Variants in GPC5 observed in about 807,000 individuals in gnomAD.
GPC5 encodes the protein glypican 5.
A neutral mutation model predicts 53.9 loss-of-function variants in GPC5; 47 were observed. That is an observed-to-expected ratio of 0.87 (90% CI 0.69 to 1.11). GPC5 has a LOEUF of 1.11. Among genes scored for constraint, GPC5 ranks in the 50% most tolerant of loss-of-function variants. The pLI, the probability that GPC5 is intolerant of heterozygous loss-of-function variation, is 0.00. For missense variants in GPC5, 748 were observed against 713.1 expected, an observed-to-expected ratio of 1.05 and a Z score of -0.56; for synonymous variants, 286 against 263.3, an observed-to-expected ratio of 1.09 and a Z score of -0.84.
At chr13:91,696,983 A>T (rs952834316) in intron 3 of GPC5, among the ~76,000 whole-genome samples, 3 of 152,150 alleles carry the variant, frequency 2.0e-5, no homozygotes, top group Non-Finnish European at 4.4e-5. Flanking sequence ...TGTTTGCTTC[A>T]GTTTCCTCTT....
Position 92,283,934 on chromosome 13 carries a change from A to T in GPC5, c.1561+138945A>T, listed in dbSNP as rs530573555. On this transcript the variant is annotated intron_variant, in intron 7 of 7. Transcript: ENST00000377067. ...GATAGAGACACAAAAAACCCTTCAA[A>T]AAATCAATGAATCCAGGATCTGGTT... Among the ~76,000 whole-genome samples the T allele has an allele frequency of 9.2e-5, 14 of 152,356 alleles. 1 individual carries two copies. The South Asian group carries it at 2.9e-3, about 32-fold the overall frequency.
At chr13:91,878,533 C>T (rs1594635825) in intron 5 of GPC5, among the ~76,000 whole-genome samples, 1 of 152,090 alleles carries the variant, frequency 6.6e-6, no homozygotes, top group Non-Finnish European at 1.5e-5. Context: ...ACCCAAATCT[C>T]ATCTTGAATT....
chr13:91,640,082 T>C (rs1195466320), intron 2 of GPC5, among the ~76,000 whole-genome samples: 1 of 152,124 alleles, frequency 6.6e-6, no homozygotes, highest in East Asian at 1.9e-4. Context: ...TTTCTGTTCT[T>C]TAAAGCAAGT....
rs563382664 is a variant in GPC5, at chr13:92,406,436, C to A, written c.1561+261447C>A. Among the ~76,000 whole-genome samples the A allele has an allele frequency of 8.5e-5, 13 of 152,276 alleles. No homozygotes were observed. The South Asian group carries it at 2.3e-3, about 27-fold the overall frequency. ...AGCAATGAGAAATTTTCTTCCACTA[C>A]CAAAATATACGTGGAGCTATATCAA... On this transcript the variant is annotated intron_variant, in intron 7 of 7. Transcript: ENST00000377067.
At chr13:92,385,780 T>C (rs1207082834) in intron 7 of GPC5, among the ~76,000 whole-genome samples, 1 of 27,310 alleles carries the variant, frequency 3.7e-5, no homozygotes, top group Non-Finnish European at 7.3e-5. Context: ...TATATACATA[T>C]ATGTATATAT....
At chr13:92,304,732 A>C (rs961274491) in intron 7 of GPC5, among the ~76,000 whole-genome samples, 1 of 152,198 alleles carries the variant, frequency 6.6e-6, no homozygotes, top group African/African-American at 2.4e-5. Context: ...TTCATTTGAA[A>C]TATGTTCTTC....
intron 5 of GPC5, among the ~76,000 whole-genome samples, chr13:91,806,499 G>A (rs1410786646): frequency 6.6e-6 from 1 of 151,600 alleles, no homozygotes; most frequent in Non-Finnish European, 1.5e-5. Context: ...TCAAATGAAT[G>A]CATGGCAGGG....
At chr13:91,750,402 C>G (rs1314024949) in intron 4 of GPC5, among the ~76,000 whole-genome samples, 1 of 152,152 alleles carries the variant, frequency 6.6e-6, no homozygotes, top group Non-Finnish European at 1.5e-5. Context: ...TTAGATGGGA[C>G]TGGACTGTTA....
At position 92,634,599 on chromosome 13, in the gene GPC5, A is replaced by G. The variant is rs1488028441; in HGVS notation, c.1562-231683A>G. Among the ~76,000 whole-genome samples, 4 of 152,060 alleles carry G rather than the reference A, an allele frequency of 2.6e-5. No homozygotes were observed. In the East Asian group the frequency reaches 7.7e-4, roughly 29 times the overall value. On this transcript the variant is annotated intron_variant, in intron 7 of 7. Transcript: ENST00000377067. ...TCATCCTGCCTAACCGAAATTTTGT[A>G]CACTTTGAAAACTATCTTTTCATTT...
intron 6 of GPC5, among the ~76,000 whole-genome samples, chr13:91,986,381 T>A (rs1200273131): frequency 6.6e-6 from 1 of 152,200 alleles, no homozygotes; most frequent in Non-Finnish European, 1.5e-5. Flanking sequence ...ACATTCTTTA[T>A]TATTTTCTAC....
chr13:91,572,330 G>A (rs899359935), intron 2 of GPC5, among the ~76,000 whole-genome samples: 1 of 151,072 alleles, frequency 6.6e-6, no homozygotes, highest in African/African-American at 2.4e-5. Flanking sequence ...AAATAACTTC[G>A]AGTTAAAGGA....
chr13:92,829,362 A>G (rs141460194), intron 7 of GPC5, among the ~76,000 whole-genome samples: 55 of 152,346 alleles, frequency 3.6e-4, no homozygotes, highest in African/African-American at 1.2e-3. Flanking sequence ...ATTATTTCCA[A>G]TTAAGACATG....
chr13:92,067,317 A>T (rs1339038250), intron 6 of GPC5, among the ~76,000 whole-genome samples: 1 of 152,086 alleles, frequency 6.6e-6, no homozygotes, highest in Non-Finnish European at 1.5e-5. Context: ...AGTGTTAATA[A>T]GAAAAATAGT....
intron 7 of GPC5, among the ~76,000 whole-genome samples, chr13:92,564,570 C>T (rs560844477): frequency 3.3e-5 from 5 of 151,666 alleles, no homozygotes; most frequent in Admixed American, 1.3e-4. Context: ...AGGTTTTTTA[C>T]GTGGGTATAT....
intron 7 of GPC5, among the ~76,000 whole-genome samples, chr13:92,586,877 C>A (rs1232423346): frequency 6.6e-6 from 1 of 152,100 alleles, no homozygotes; most frequent in Non-Finnish European, 1.5e-5. Context: ...TTCCCTAGAG[C>A]TTTCAGCATT....
intron 1 of GPC5, among the ~76,000 whole-genome samples, chr13:91,428,544 C>G (rs1279861948): frequency 6.6e-6 from 1 of 152,302 alleles, no homozygotes; most frequent in East Asian, 1.9e-4. Flanking sequence ...TCTGTGGACT[C>G]TATTCCAAAC....
At chr13:92,293,688 C>A (rs903450276) in intron 7 of GPC5, among the ~76,000 whole-genome samples, 4 of 152,188 alleles carry the variant, frequency 2.6e-5, no homozygotes, top group Admixed American at 2.6e-4. Flanking sequence ...CGCTGTATTT[C>A]TTTCTCTTGT....
chr13:92,760,606 A>G (rs1362849722), intron 7 of GPC5, among the ~76,000 whole-genome samples: 4 of 151,102 alleles, frequency 2.6e-5, no homozygotes, highest in African/African-American at 9.7e-5. Context: ...TTCAAAAACC[A>G]TCTGTTCTAT....
chr13:92,186,422 G>T (rs957158003), intron 7 of GPC5, among the ~76,000 whole-genome samples: 3 of 151,712 alleles, frequency 2.0e-5, no homozygotes, highest in African/African-American at 4.8e-5. Context: ...TATAATATTT[G>T]TTTTTTCTAA....
Sources: allele counts gnomAD v4.1 joint callset (sites outside exome capture counted in the v4.1 genomes callset), GRCh38; gene constraint gnomAD v4.1.1; transcripts MANE v1.5; gene names NCBI Gene and HGNC (gene_info 2026-07-23, HGNC 2026-07-21).